Variants in XKR7 observed in about 807,000 individuals in gnomAD.
XKR7 encodes XK related 7, also known as XK-related protein 7.
In XKR7, 11 loss-of-function variants were observed where a neutral mutation model predicts 42.2. The ratio of observed to expected loss-of-function variants is 0.26; its 90% confidence interval spans 0.16 to 0.43. The LOEUF (loss-of-function observed/expected upper bound fraction) is 0.43. Among genes scored for constraint, XKR7 ranks in the 20% least tolerant of loss-of-function variants. The pLI is 1.00. For missense variants in XKR7, 710 were observed against 802.2 expected (o/e 0.89, Z 1.39); for synonymous variants, 346 against 366.4 (o/e 0.94, Z 0.64).
At chr20:31,994,311 G>C (rs1219418133) in intron 1 of XKR7, among the ~76,000 whole-genome samples, 1 of 152,206 alleles carries the variant, frequency 6.6e-6, no homozygotes, top group Admixed American at 6.5e-5. Context: ...TTAGAGTGCC[G>C]GCCCTGAGGC....
At chr20:31,984,253 C>A (rs2064527067) in intron 1 of XKR7, among the ~76,000 whole-genome samples, 1 of 127,428 alleles carries the variant, frequency 7.8e-6, no homozygotes. Flanking sequence ...AAGAGTGAGA[C>A]TCCATTTCAA....
chr20:31,979,968 C>G (rs1419835433), intron 1 of XKR7, among the ~76,000 whole-genome samples: 1 of 152,010 alleles, frequency 6.6e-6, no homozygotes, highest in Non-Finnish European at 1.5e-5. Flanking sequence ...GAGGCCAGAA[C>G]CTAGTCCCCA....
Position 31,995,402 on chromosome 20 carries a change from G to C in XKR7, c.787+132G>C. On this transcript the variant is annotated intron_variant, in intron 2 of 2. Coordinates refer to ENST00000562532, the MANE Select transcript of XKR7 (RefSeq NM_001011718.2). The surrounding 1 kb of genome is among the most constrained non-coding windows in gnomAD (Gnocchi z 4.1). The stretch of plus-strand genomic sequence containing the variant: ...GGCTCACTCAGTCAGGGTTTAGGGA[G>C]GCCTGCCCCTTCTACCCTCACCACC... 6.9e-7 allele frequency: 1 copy of C among 1,438,900 alleles called. No individual in the cohort carries two copies. Among genetic ancestry groups the C allele is most frequent in the East Asian group, 2.5e-5 (1 of 39,408 alleles). 89.1% of individuals were successfully genotyped at this position (1,438,900 alleles called of 1,614,324 possible). A position where few individuals can be genotyped will look rare whatever the true frequency, so the allele number is the denominator to read the frequency against.
intron 1 of XKR7, among the ~76,000 whole-genome samples, chr20:31,981,692 A>G (rs1268915651): frequency 6.6e-6 from 1 of 152,208 alleles, no homozygotes; most frequent in Non-Finnish European, 1.5e-5. Context: ...ACTCTGTCTA[A>G]AAACAAACAA....
intron 1 of XKR7, among the ~76,000 whole-genome samples, chr20:31,989,280 C>T (rs542447706): frequency 2.5e-5 from 3 of 118,662 alleles, no homozygotes; most frequent in South Asian, 2.6e-4. Context: ...AGGACACCCC[C>T]CCCCCAGCGC....
chr20:31,976,934 G>A (rs561866732), intron 1 of XKR7, among the ~76,000 whole-genome samples: 1 of 152,316 alleles, frequency 6.6e-6, no homozygotes, highest in African/African-American at 2.4e-5. Flanking sequence ...TAGATCCTCT[G>A]TTACTGTTGG....
intron 1 of XKR7, among the ~76,000 whole-genome samples, chr20:31,993,416 C>G (rs181739710): frequency 6.6e-6 from 1 of 152,088 alleles, no homozygotes; most frequent in Non-Finnish European, 1.5e-5. Context: ...TAATCCTCAC[C>G]GCCACTTTGG....
At chr20:31,991,468 C>T (rs1284553162) in intron 1 of XKR7, among the ~76,000 whole-genome samples, 1 of 152,056 alleles carries the variant, frequency 6.6e-6, no homozygotes, top group Admixed American at 6.5e-5. Flanking sequence ...TGCCTTAGCT[C>T]AGCCCTGTAA....
rs2064599690 is a variant in XKR7 at position 31,997,359 on chromosome 20, A to G, written c.1642A>G (p.Ile548Val). The G allele has an allele frequency of 6.2e-7, 1 of 1,604,028 alleles. No individual in the cohort carries two copies. Among genetic ancestry groups the G allele is most frequent in the Admixed American group, 1.7e-5 (1 of 60,008 alleles). ...HFIDRRLRKT[I>V]LALEYSSPAT... ...TATTGACCGCCGGCTCCGGAAGACC[A>G]TCCTGGCACTGGAGTACTCCTCACC... Residue 548 changes from isoleucine to valine, a missense_variant, in exon 3 of 3, where the codon ATC becomes GTC. Physicochemically the swap from Ile to Val is conservative, Grantham distance 29. Coordinates refer to ENST00000562532, the MANE Select transcript of XKR7 (RefSeq NM_001011718.2).
At chr20:31,988,711 G>A (rs970884092) in intron 1 of XKR7, among the ~76,000 whole-genome samples, 4 of 152,242 alleles carry the variant, frequency 2.6e-5, no homozygotes, top group East Asian at 1.9e-4. Context: ...CAGGCTTCAC[G>A]CAGTTCAAGC....
chr20:31,984,707 C>T (rs1251276773), intron 1 of XKR7, among the ~76,000 whole-genome samples: 2 of 152,176 alleles, frequency 1.3e-5, no homozygotes, highest in Admixed American at 6.5e-5. Context: ...TGTGTCTTAC[C>T]GGGGTCCTAT....
intron 1 of XKR7, among the ~76,000 whole-genome samples, chr20:31,979,975 C>A (rs1039555029): frequency 6.6e-6 from 1 of 151,940 alleles, no homozygotes; most frequent in Non-Finnish European, 1.5e-5. Flanking sequence ...GAACCTAGTC[C>A]CCAAATGCTT....
intron 1 of XKR7, among the ~76,000 whole-genome samples, chr20:31,987,224 G>C (rs146281605): frequency 1.4e-5 from 2 of 141,034 alleles, no homozygotes; most frequent in Non-Finnish European, 3.0e-5. Flanking sequence ...CCTCCAAGAG[G>C]ACCCAGTATT....
intron 1 of XKR7, among the ~76,000 whole-genome samples, chr20:31,972,228 C>G (rs903570734): frequency 6.6e-6 from 1 of 152,008 alleles, no homozygotes; most frequent in Admixed American, 6.6e-5. Context: ...TACTCTGAAA[C>G]CCTCCCCCCT....
At chr20:31,989,849 G>C (rs2064561408) in intron 1 of XKR7, among the ~76,000 whole-genome samples, 1 of 152,356 alleles carries the variant, frequency 6.6e-6, no homozygotes. Flanking sequence ...CTGGGCTCAA[G>C]TGATCCTCCC....
At chr20:31,980,368 C>T (rs1454442292) in intron 1 of XKR7, among the ~76,000 whole-genome samples, 1 of 152,220 alleles carries the variant, frequency 6.6e-6, no homozygotes, top group Non-Finnish European at 1.5e-5. Flanking sequence ...GGCCTCAGGG[C>T]CATCCCCCCA....
At chr20:31,996,308 C>T (rs2064591073) in intron 2 of XKR7, among the ~76,000 whole-genome samples, 197 bp from the exon 3 acceptor site, 1 of 152,012 alleles carries the variant, frequency 6.6e-6, no homozygotes, top group African/African-American at 2.4e-5. Context: ...CAGTCCCGTG[C>T]ACCCTCACCA....
At chr20:31,985,387 A>T (rs1242197356) in intron 1 of XKR7, among the ~76,000 whole-genome samples, 2 of 152,080 alleles carry the variant, frequency 1.3e-5, no homozygotes, top group Non-Finnish European at 2.9e-5. Flanking sequence ...CAGATGGAGG[A>T]GCTGAGGATG....
At chr20:31,985,670 AC>A (rs2064534785) in intron 1 of XKR7, among the ~76,000 whole-genome samples, 1 of 151,284 alleles carries the variant, frequency 6.6e-6, no homozygotes, top group African/African-American at 2.4e-5. Flanking sequence ...ACACAGACAG[AC>A]CACCAAGTGG....
Sources: gnomAD v4.1 joint callset for allele counts (sites outside exome capture counted in the v4.1 genomes callset) on GRCh38, gnomAD v4.1.1 for gene constraint, Gnocchi (gnomAD v3.1) non-coding constraint, MANE v1.5 for transcripts, NCBI Gene and HGNC (gene_info 2026-07-23, HGNC 2026-07-21) for gene names.